Variants in MND1 observed in about 807,000 individuals in gnomAD.
MND1 encodes meiotic nuclear divisions 1.
Under a neutral mutation model 35.1 loss-of-function variants are expected in MND1, and 28 were observed. The observed-to-expected ratio is 0.80, with a 90% CI of 0.59 to 1.09. The LOEUF (loss-of-function observed/expected upper bound fraction) is 1.09, where lower values mean the gene tolerates loss of function less well. Ranked by LOEUF, MND1 falls within the 50% of genes least tolerant of loss-of-function variation. The probability of loss-of-function intolerance (pLI) is 0.00; values close to 1 mark genes in which losing one functional copy is unlikely to be tolerated. For synonymous variants in MND1, 69 were observed against 70.5 expected (o/e 0.98, Z 0.11); for missense variants, 213 against 239.6 (o/e 0.89, Z 0.73).
At chr4:153,353,322 G>A (rs1405922386) in intron 2 of MND1, among the ~76,000 whole-genome samples, 1 of 147,220 alleles carries the variant, frequency 6.8e-6, no homozygotes, top group East Asian at 2.0e-4. Flanking sequence ...CAAACATACA[G>A]CAAAGATGAG....
At chr4:153,401,705 C>G (rs1319287050) in intron 6 of MND1, among the ~76,000 whole-genome samples, 1 of 152,104 alleles carries the variant, frequency 6.6e-6, no homozygotes, top group Admixed American at 6.6e-5. Context: ...CTATTGCCCC[C>G]CATATTATAT....
intron 4 of MND1, among the ~76,000 whole-genome samples, chr4:153,371,777 G>T: frequency 6.6e-6 from 1 of 151,972 alleles, no homozygotes; most frequent in East Asian, 1.9e-4. Context: ...TTTCTTTCAG[G>T]AACTTTTCCC....
intron 4 of MND1, chr4:153,363,123 GTTTTC>G: frequency 5.9e-6 from 3 of 504,820 alleles, no homozygotes; most frequent in Non-Finnish European, 7.7e-6. Flanking sequence ...CTTCACACCT[GTTTTC>G]CTGGTGTGCA....
chr4:153,407,471 T>A (rs888659853), intron 6 of MND1, among the ~76,000 whole-genome samples: 4 of 151,940 alleles, frequency 2.6e-5, no homozygotes, highest in Admixed American at 6.6e-5. Flanking sequence ...CAAAAAAAAA[T>A]AGAAAATAAT....
intron 4 of MND1, among the ~76,000 whole-genome samples, chr4:153,387,095 A>G (rs566055641): frequency 6.6e-6 from 1 of 152,352 alleles, no homozygotes; most frequent in Non-Finnish European, 1.5e-5. Context: ...TAGAAAACTT[A>G]AAAGTATGTT....
chr4:153,391,464 G>A (rs1026308403), intron 4 of MND1, among the ~76,000 whole-genome samples: 1 of 152,000 alleles, frequency 6.6e-6, no homozygotes, highest in African/African-American at 2.4e-5. Context: ...GGTGGCTTAC[G>A]CCTGTGATCC....
chr4:153,353,219 G>A (rs781416476), intron 2 of MND1, among the ~76,000 whole-genome samples: 4 of 150,906 alleles, frequency 2.7e-5, no homozygotes, highest in African/African-American at 4.9e-5. Context: ...TCTCATACTC[G>A]CACTAAGTTC....
At chr4:153,413,935 T>G (rs1729762293) in intron 7 of MND1, among the ~76,000 whole-genome samples, 1 of 152,216 alleles carries the variant, frequency 6.6e-6, no homozygotes, top group South Asian at 2.1e-4. Flanking sequence ...CAGTTGTTAA[T>G]GCATTTTAAA....
In MND1 at chr4:153,393,554, G is replaced by A. The variant is rs1729108085; in HGVS notation, c.277-708G>A. On this transcript the variant is annotated intron_variant, in intron 4 of 7. Coordinates refer to ENST00000240488, the MANE Select transcript of MND1 (RefSeq NM_032117.4). Reference sequence around the variant, plus strand: ...CCATCACGCTTGGCTAAATTTTTTTGTATTTGTTGAGATGGGGTTTTGCCG... The same window carrying A: ...CCATCACGCTTGGCTAAATTTTTTTATATTTGTTGAGATGGGGTTTTGCCG... Among the ~76,000 whole-genome samples the A allele has an allele frequency of 2.6e-5, 4 of 151,564 alleles. No individual in the cohort carries two copies. The South Asian group carries it at 8.3e-4, about 32-fold the overall frequency.
At chr4:153,366,848 T>C (rs1355099134) in intron 4 of MND1, among the ~76,000 whole-genome samples, 2 of 152,238 alleles carry the variant, frequency 1.3e-5, no homozygotes, top group African/African-American at 4.8e-5. Context: ...TAGTATTATA[T>C]TTGTTTTATA....
upstream of MND1, chr4:153,344,672 T>C (rs184851511): frequency 9.0e-4 from 1,320 of 1,467,178 alleles, 22 homozygotes; most frequent in East Asian, 0.03. Flanking sequence ...ATCAAACGCG[T>C]CCTGGCCTGT....
chr4:153,363,781 T>A (rs1210683575), intron 4 of MND1, among the ~76,000 whole-genome samples: 1 of 152,192 alleles, frequency 6.6e-6, no homozygotes, highest in South Asian at 2.1e-4. Context: ...AGAAGTTACA[T>A]GATGATAAAT....
chr4:153,352,456 CCTCT>C (rs1306739533), intron 2 of MND1, among the ~76,000 whole-genome samples: 1 of 152,158 alleles, frequency 6.6e-6, no homozygotes, highest in Non-Finnish European at 1.5e-5. Flanking sequence ...AGTTACTTGA[CCTCT>C]CTATGTCTGT....
chr4:153,380,938 T>C (rs913598962), intron 4 of MND1, among the ~76,000 whole-genome samples: 12 of 152,044 alleles, frequency 7.9e-5, no homozygotes, highest in African/African-American at 2.7e-4. Flanking sequence ...GTCGCTCTGT[T>C]GCCCAGGCTG....
chr4:153,365,613 T>C (rs1773618364), intron 4 of MND1, among the ~76,000 whole-genome samples: 2 of 151,976 alleles, frequency 1.3e-5, no homozygotes, highest in African/African-American at 4.8e-5. Context: ...TTTTTTTCTT[T>C]TTAAGAGATG....
At chr4:153,393,696 A>G (rs944455663) in intron 4 of MND1, among the ~76,000 whole-genome samples, 1 of 151,828 alleles carries the variant, frequency 6.6e-6, no homozygotes, top group African/African-American at 2.4e-5. Context: ...TCAATTTCTA[A>G]CTAAATAATA....
At chr4:153,402,845 A>G (rs1729379425) in intron 6 of MND1, among the ~76,000 whole-genome samples, 2 of 152,258 alleles carry the variant, frequency 1.3e-5, no homozygotes, top group Admixed American at 6.5e-5. Flanking sequence ...TGAGGCAAAC[A>G]GTAGACTAAT....
intron 4 of MND1, among the ~76,000 whole-genome samples, chr4:153,382,502 C>G (rs965939963): frequency 2.0e-5 from 3 of 152,140 alleles, no homozygotes; most frequent in Admixed American, 2.0e-4. Context: ...AACCATTCTA[C>G]TGTAAGAGGC....
chr4:153,395,801 A>G (rs903992042), intron 5 of MND1, among the ~76,000 whole-genome samples: 14 of 152,224 alleles, frequency 9.2e-5, no homozygotes, highest in Non-Finnish European at 1.6e-4. Context: ...GTTTCAATGC[A>G]TGATACCTGG....
Sources: allele counts gnomAD v4.1 joint callset (sites outside exome capture counted in the v4.1 genomes callset), GRCh38; gene constraint gnomAD v4.1.1; transcripts MANE v1.5; gene names NCBI Gene and HGNC (gene_info 2026-07-23, HGNC 2026-07-21).